The following TM9SF2 variants were observed in gnomAD, a reference collection of about 807,000 sequenced individuals.
TM9SF2 encodes the protein transmembrane 9 superfamily member 2.
Under a neutral mutation model 84.9 loss-of-function variants are expected in TM9SF2, and 13 were observed. The ratio of observed to expected loss-of-function variants is 0.15; its 90% CI spans 0.10 to 0.24. TM9SF2 has a LOEUF of 0.24. TM9SF2 is among the 10% of genes least tolerant of loss of function. The pLI, the probability that TM9SF2 is intolerant of heterozygous loss-of-function variation, is 1.00. For missense variants in TM9SF2, 562 were observed against 818.5 expected, an observed-to-expected ratio of 0.69 and a Z score of 3.82; for synonymous variants, 273 against 285.8, an observed-to-expected ratio of 0.96 and a Z score of 0.45.
intron 9 of TM9SF2, 30 bp from the exon 10 acceptor site, chr13:99,543,833 A>G (rs761945049): frequency 6.2e-7 from 1 of 1,610,758 alleles, no homozygotes; most frequent in Non-Finnish European, 8.5e-7. Flanking sequence ...ATACCATGAG[A>G]CAATCGAACT....
Position 99,555,654 on chromosome 13 carries a change from AT to A in TM9SF2, c.1752+9del. The A allele has an allele frequency of 6.3e-7, 1 of 1,580,932 alleles. No individual in the cohort carries two copies. The highest frequency in any genetic ancestry group is 8.7e-7 in the Non-Finnish European group (1 of 1,152,908). ...TTTCCACCTATGTGCAGAGGTATGT[AT>A]TAGCAGTATTCACTTATGTTAATTT... is the stretch of plus-strand genomic sequence containing the variant. On this transcript the variant is annotated splice_region_variant and intron_variant, in intron 15 of 16. Coordinates refer to ENST00000376387, the MANE Select transcript of TM9SF2 (RefSeq NM_004800.3).
chr13:99,511,289 A>G (rs945888911), intron 1 of TM9SF2, among the ~76,000 whole-genome samples: 38 of 151,926 alleles, frequency 2.5e-4, no homozygotes, highest in African/African-American at 8.5e-4. Flanking sequence ...ATTTGTGTGT[A>G]TTTATGTTTT....
chr13:99,514,539 CTG>C (rs887319948), intron 1 of TM9SF2, among the ~76,000 whole-genome samples: 34 of 152,306 alleles, frequency 2.2e-4, no homozygotes, highest in Middle Eastern at 3.4e-3. Flanking sequence ...TGGGTATGCT[CTG>C]TGATAGTCCC....
chr13:99,537,805 G>A lies in TM9SF2; in HGVS notation c.658G>A (p.Val220Ile), dbSNP rs764447124. The A allele has an allele frequency of 1.2e-6, 2 of 1,611,554 alleles. No individual in the cohort carries two copies. Among genetic ancestry groups the A allele is most frequent in the East Asian group, 4.5e-5 (2 of 44,790 alleles). Reference protein sequence around the residue: ...NHVDIKIYYHVVETGSMGARL... With the variant: ...NHVDIKIYYHIVETGSMGARL... ...TGTTGACATCAAAATATACTATCAT[G>A]TTGTTGAAACTGGGTCCATGGGAGC... The change falls in exon 6 of 17, where the codon GTT (valine) becomes ATT (isoleucine). Residue 220 changes from valine (V) to isoleucine (I), a missense_variant. Coordinates refer to ENST00000376387, the MANE Select transcript of TM9SF2 (RefSeq NM_004800.3).
intron 4 of TM9SF2, among the ~76,000 whole-genome samples, chr13:99,534,264 G>T (rs528791643): frequency 6.6e-6 from 1 of 152,194 alleles, no homozygotes; most frequent in East Asian, 1.9e-4. Context: ...AATTATAAAG[G>T]GGTCTTGAAG....
intron 1 of TM9SF2, among the ~76,000 whole-genome samples, chr13:99,516,802 C>T (rs981507357): frequency 1.3e-5 from 2 of 152,122 alleles, no homozygotes; most frequent in Non-Finnish European, 2.9e-5. Context: ...CATTGGCTAT[C>T]CCTGTGTGTT....
chr13:99,546,863 C>A, intron 10 of TM9SF2, 122 bp from the exon 11 acceptor site: 1 of 1,324,096 alleles, frequency 7.6e-7, no homozygotes, highest in Non-Finnish European at 1.0e-6. Context: ...GGTAGGAGAG[C>A]ACATGGTTTT....
intron 1 of TM9SF2, among the ~76,000 whole-genome samples, chr13:99,507,291 G>A (rs1047272165): frequency 6.6e-6 from 1 of 152,116 alleles, no homozygotes; most frequent in African/African-American, 2.4e-5. Context: ...CTTTCCCCTG[G>A]GGATCCCTGA....
chr13:99,555,373 C>G (rs1463541137), intron 14 of TM9SF2, among the ~76,000 whole-genome samples, 163 bp from the exon 15 acceptor site: 1 of 152,214 alleles, frequency 6.6e-6, no homozygotes, highest in Non-Finnish European at 1.5e-5. Flanking sequence ...CTACTCCTCC[C>G]CTTCCCCACC....
chr13:99,501,706 G>C lies in TM9SF2; in HGVS notation c.100G>C (p.Gly34Arg). ...LGAVPGPRRS[G>R]AFYLPGLAPV... ...GGCGGTTCCTGGCCCGCGCCGGAGC[G>C]GCGCTTTCTACCTGCCCGGCCTGGC... The change falls in exon 1 of 17, where the codon GGC (glycine) becomes CGC (arginine). Residue 34 changes from glycine to arginine, a missense_variant. By Grantham distance (125) the Gly-to-Arg change is moderately radical. Transcript: ENST00000376387. 6.2e-7 allele frequency: 1 copy of C among 1,611,968 alleles called. No homozygotes were observed. Among genetic ancestry groups the C allele is most frequent in the African/African-American group, 1.3e-5 (1 of 74,878 alleles).
At chr13:99,524,929 G>A (rs2046175665) in intron 3 of TM9SF2, among the ~76,000 whole-genome samples, 1 of 151,120 alleles carries the variant, frequency 6.6e-6, no homozygotes, top group African/African-American at 2.5e-5. Flanking sequence ...AGGAGCCACT[G>A]ATGAGAAAGA....
Position 99,554,224 on chromosome 13 carries a change from C to A in TM9SF2, c.1489-80C>A. ...TGACAACATAGAAGCTGAAAAAAAG[C>A]AGGCAAATAATCTCGTGTAGAGAAG... On this transcript the variant is annotated intron_variant, in intron 13 of 16. Transcript: ENST00000376387. The A allele has an allele frequency of 2.0e-6, 3 of 1,497,154 alleles. No individual in the cohort carries two copies. In the South Asian group the frequency reaches 3.9e-5, roughly 20 times the overall value. The allele number at this position is 1,497,154 out of a possible 1,614,324, so 92.7% of individuals were successfully genotyped here. A position where few individuals can be genotyped will look rare whatever the true frequency, so the allele number is the denominator to read the frequency against.
chr13:99,547,392 T>C (rs1179700139), intron 11 of TM9SF2, among the ~76,000 whole-genome samples: 2 of 152,226 alleles, frequency 1.3e-5, no homozygotes, highest in East Asian at 3.8e-4. Context: ...CTGAACAGCT[T>C]AGATTTGCTG....
chr13:99,534,650 T>G (rs1321965972), intron 4 of TM9SF2, among the ~76,000 whole-genome samples: 1 of 152,212 alleles, frequency 6.6e-6, no homozygotes, highest in Non-Finnish European at 1.5e-5. Flanking sequence ...TTGGTAGAAC[T>G]GTTTCAAATG....
chr13:99,552,066 G>A (rs972225423), intron 12 of TM9SF2, 101 bp from the exon 13 acceptor site: 12 of 1,139,798 alleles, frequency 1.1e-5, no homozygotes, highest in Middle Eastern at 2.4e-4. Flanking sequence ...CACTTTCTTT[G>A]TATATATATA....
At chr13:99,501,837 G>A (rs2046067477) in intron 1 of TM9SF2, 60 bp downstream of exon 1, 7 of 1,551,818 alleles carry the variant, frequency 4.5e-6, no homozygotes, top group South Asian at 2.4e-5. Context: ...GTCCCTATCC[G>A]GGGGAGCTGA....
At chr13:99,535,041 A>G (rs994319939) in intron 4 of TM9SF2, among the ~76,000 whole-genome samples, 5 of 152,146 alleles carry the variant, frequency 3.3e-5, no homozygotes, top group African/African-American at 7.2e-5. Context: ...AGTCCCAGCT[A>G]CTTGGGAGGC....
At position 99,554,466 on chromosome 13, in the gene TM9SF2, G is replaced by GAT. The variant is rs1280550134; in HGVS notation, c.1640+13_1640+14dup. On this transcript the variant is annotated intron_variant, in intron 14 of 16. Coordinates refer to ENST00000376387, the MANE Select transcript of TM9SF2 (RefSeq NM_004800.3). ...TCTGAATAGTATTTGGTAAGCTAAG[G>GAT]ATAAAGTCCTCTCATTCTCATTACC... The GAT allele has an allele frequency of 1.9e-6, 3 of 1,611,920 alleles. No homozygotes were observed. In the African/African-American group the frequency reaches 4.0e-5, roughly 22 times the overall value.
intron 1 of TM9SF2, among the ~76,000 whole-genome samples, chr13:99,509,759 A>C (rs1485103235): frequency 6.6e-6 from 1 of 152,196 alleles, no homozygotes; most frequent in Non-Finnish European, 1.5e-5. Flanking sequence ...TTTTCCCCGT[A>C]GTCTTGGATA....
Sources: allele counts gnomAD v4.1 joint callset (sites outside exome capture counted in the v4.1 genomes callset), GRCh38; gene constraint gnomAD v4.1.1; transcripts MANE v1.5; gene names NCBI Gene and HGNC (gene_info 2026-07-23, HGNC 2026-07-21).